Variants in VSTM4 observed in about 807,000 individuals in gnomAD.
VSTM4 encodes V-set and transmembrane domain containing 4.
Under a neutral mutation model 36.4 loss-of-function variants are expected in VSTM4, and 20 were observed. The observed-to-expected ratio is 0.55, with a 90% CI of 0.39 to 0.80. The LOEUF is 0.80. Among genes scored for constraint, VSTM4 ranks in the 30% least tolerant of loss-of-function variants. The probability of loss-of-function intolerance (pLI) is 0.00; values close to 1 mark genes in which losing one functional copy is unlikely to be tolerated. For missense variants in VSTM4, 392 were observed against 404.5 expected, an observed-to-expected ratio of 0.97 and a Z score of 0.26; for synonymous variants, 182 against 173.9, an observed-to-expected ratio of 1.05 and a Z score of -0.37.
At chr10:49,073,321 T>C (rs991523300) in intron 4 of VSTM4, among the ~76,000 whole-genome samples, 2 of 152,178 alleles carry the variant, frequency 1.3e-5, no homozygotes, top group Non-Finnish European at 1.5e-5. Context: ...CGGCTTCTGC[T>C]ATGGCCCTGC....
At chr10:49,061,827 G>C (rs1251279194) in intron 5 of VSTM4, among the ~76,000 whole-genome samples, 1 of 152,146 alleles carries the variant, frequency 6.6e-6, no homozygotes, top group African/African-American at 2.4e-5. Flanking sequence ...AATCCACTCT[G>C]TGAGTCTCTG....
Position 49,017,216 on chromosome 10 carries a change from CAAT to C in VSTM4, c.*2431_*2433del, listed in dbSNP as rs1459265939. On this transcript the variant is annotated 3_prime_UTR_variant, in exon 8 of 8. Coordinates refer to ENST00000332853, the MANE Select transcript of VSTM4 (RefSeq NM_001031746.5). Reference sequence around the variant, plus strand: ...GCACATTTTTTTAAGCTTACTATGGCAATAATGTCAATATATCCTCTCAAACAA... The same window carrying C: ...GCACATTTTTTTAAGCTTACTATGGCAATGTCAATATATCCTCTCAAACAA... The C allele has an allele frequency of 2.0e-5, 3 of 152,146 alleles. No individual in the cohort carries two copies. The highest frequency in any genetic ancestry group is 1.9e-4 in the East Asian group (1 of 5,194). 9.4% of individuals were successfully genotyped at this position (152,146 alleles called of 1,614,324 possible). A position where few individuals can be genotyped will look rare whatever the true frequency, so the allele number is the denominator to read the frequency against.
chr10:49,085,964 A>G lies in VSTM4; in HGVS notation c.517T>C (p.Phe173Leu), dbSNP rs991704435. ...SFEKTKETWA[F>L]FEDLYVYAVL... is the part of the protein sequence containing the mutation. ...AATATACAAGCTTTACCTTCAAAAAATGCCCAAGTCTCTTTTGTTTTCTCA... is the reference window on the plus strand; with the variant it reads ...AATATACAAGCTTTACCTTCAAAAAGTGCCCAAGTCTCTTTTGTTTTCTCA... Residue 173 changes from phenylalanine to leucine, a missense_variant, in exon 3 of 8, where the codon TTT (phenylalanine) becomes CTT (leucine). Phe to Leu is a conservative substitution (Grantham distance 22). Transcript: ENST00000332853. 5 of 1,587,766 alleles carry G rather than the reference A, an allele frequency of 3.1e-6. No homozygotes were observed. The highest frequency in any genetic ancestry group is 1.2e-5 in the South Asian group (1 of 84,834).
intron 4 of VSTM4, among the ~76,000 whole-genome samples, chr10:49,065,650 C>A (rs1021995988): frequency 3.3e-5 from 5 of 152,230 alleles, no homozygotes; most frequent in Non-Finnish European, 5.9e-5. Flanking sequence ...AGGCCCCGAA[C>A]AACCAGGTCC....
chr10:49,104,454 G>A (rs1177061163), intron 2 of VSTM4, among the ~76,000 whole-genome samples: 1 of 152,018 alleles, frequency 6.6e-6, no homozygotes, highest in Non-Finnish European at 1.5e-5. Flanking sequence ...AGGCAGCCAA[G>A]GCTCTGCACA....
chr10:49,045,367 C>CATTT (rs1432543414), intron 7 of VSTM4, among the ~76,000 whole-genome samples: 1 of 152,058 alleles, frequency 6.6e-6, no homozygotes, highest in African/African-American at 2.4e-5. Context: ...AAAAGGGGGC[C>CATTT]ATTTTCCTTA....
At position 49,086,037 on chromosome 10, in the gene VSTM4, A is replaced by G; in HGVS notation, c.458-14T>C. 1 of 1,557,194 alleles carries G rather than the reference A, an allele frequency of 6.4e-7. No individual in the cohort carries two copies. On this transcript the variant is annotated splice_polypyrimidine_tract_variant and intron_variant, in intron 2 of 7. Coordinates refer to ENST00000332853, the MANE Select transcript of VSTM4 (RefSeq NM_001031746.5). ...TGAGGGAAATGACTGAAAGACAAAA[A>G]AGAAACAGCACAGTATGAAAAAATA...
At chr10:49,067,735 T>C (rs1843998484) in intron 4 of VSTM4, among the ~76,000 whole-genome samples, 1 of 152,182 alleles carries the variant, frequency 6.6e-6, no homozygotes, top group South Asian at 2.1e-4. Flanking sequence ...ATGCAGTATG[T>C]GGTACTTTGC....
chr10:49,085,613 T>A (rs1340170559), intron 3 of VSTM4, among the ~76,000 whole-genome samples: 1 of 152,198 alleles, frequency 6.6e-6, no homozygotes, highest in East Asian at 1.9e-4. Context: ...GCTGATACTG[T>A]CAGGGATTTC....
intron 2 of VSTM4, among the ~76,000 whole-genome samples, chr10:49,096,095 GT>G (rs1844565775): frequency 6.6e-6 from 1 of 152,214 alleles, no homozygotes; most frequent in South Asian, 2.1e-4. Flanking sequence ...CATGATGTGT[GT>G]TTGCTTAATT....
At chr10:49,107,236 A>C (rs1844798937) in intron 2 of VSTM4, among the ~76,000 whole-genome samples, 1 of 152,226 alleles carries the variant, frequency 6.6e-6, no homozygotes, top group Non-Finnish European at 1.5e-5. Context: ...GCTACTGCTG[A>C]ATAAAATCTG....
chr10:49,057,364 C>T (rs1476853049), intron 5 of VSTM4, among the ~76,000 whole-genome samples: 2 of 152,186 alleles, frequency 1.3e-5, no homozygotes, highest in African/African-American at 2.4e-5. Context: ...CAGTAAAGAG[C>T]TGGGCTGCAC....
chr10:49,088,269 A>T (rs1844409031), intron 2 of VSTM4, among the ~76,000 whole-genome samples: 1 of 152,150 alleles, frequency 6.6e-6, no homozygotes, highest in African/African-American at 2.4e-5. Flanking sequence ...GGCAGCTGAT[A>T]GGTGCTTGGT....
chr10:49,092,951 A>T (rs1844503256), intron 2 of VSTM4, among the ~76,000 whole-genome samples: 1 of 152,130 alleles, frequency 6.6e-6, no homozygotes. Context: ...GTCAGAAGAG[A>T]GCTGGGGCCA....
rs113529617 is a variant in VSTM4 at position 49,104,464 on chromosome 10, A to G, written c.457+3130T>C. Among the ~76,000 whole-genome samples the G allele has an allele frequency of 2.7e-3, 417 of 152,194 alleles. 3 individuals carry two copies. The highest frequency in any genetic ancestry group is 9.4e-3 in the African/African-American group (389 of 41,518). On this transcript the variant is annotated intron_variant, in intron 2 of 7. Transcript: ENST00000332853. The stretch of plus-strand genomic sequence containing the variant: ...AGAACAGGCAGCCAAGGCTCTGCAC[A>G]GCCCCAGCCTGGGGCGGACAAGCTC...
chr10:49,099,693 T>A (rs997720369), intron 2 of VSTM4, among the ~76,000 whole-genome samples: 1 of 152,230 alleles, frequency 6.6e-6, no homozygotes, highest in Non-Finnish European at 1.5e-5. Context: ...ACTGCGTCTT[T>A]TTCTTTGCCT....
chr10:49,031,229 T>C (rs1027291494), intron 7 of VSTM4, among the ~76,000 whole-genome samples: 1 of 152,222 alleles, frequency 6.6e-6, no homozygotes, highest in Non-Finnish European at 1.5e-5. Context: ...CTTAGGAACA[T>C]GTGCTCTCAG....
chr10:49,044,763 G>A (rs534714699), intron 7 of VSTM4, among the ~76,000 whole-genome samples: 29 of 152,188 alleles, frequency 1.9e-4, no homozygotes, highest in Middle Eastern at 3.4e-3. Context: ...TATGTGTCTC[G>A]TTTAAAAACA....
chr10:49,048,743 C>A (rs1158347622), intron 5 of VSTM4, among the ~76,000 whole-genome samples, 159 bp from the exon 6 acceptor site: 1 of 152,146 alleles, frequency 6.6e-6, no homozygotes, highest in Non-Finnish European at 1.5e-5. Flanking sequence ...ACACTCTGTG[C>A]TCATCTCCAG....
Sources: allele counts gnomAD v4.1 joint callset (sites outside exome capture counted in the v4.1 genomes callset), GRCh38; gene constraint gnomAD v4.1.1; transcripts MANE v1.5; gene names NCBI Gene and HGNC (gene_info 2026-07-23, HGNC 2026-07-21).